The following CHRNA7 variants were observed in gnomAD, a reference collection of about 807,000 sequenced individuals.
CHRNA7 encodes the protein cholinergic receptor nicotinic alpha 7 subunit.
In CHRNA7, 17 loss-of-function variants were observed where a neutral mutation model predicts 48.0. The ratio of observed to expected loss-of-function variants is 0.35; its 90% CI spans 0.24 to 0.53. The LOEUF is 0.53. Among genes scored for constraint, CHRNA7 ranks in the 20% least tolerant of loss-of-function variants. CHRNA7 has a pLI of 0.92. For synonymous variants in CHRNA7, 75 were observed against 242.3 expected (o/e 0.31, Z 6.41); for missense variants, 155 against 577.7 (o/e 0.27, Z 7.50).
chr15:32,099,620 G>A (rs1566837811), intron 2 of CHRNA7: 1 of 152,184 alleles, frequency 6.6e-6, no homozygotes, highest in Non-Finnish European at 1.5e-5. Flanking sequence ...AGAAGGAAAG[G>A]CACCTAAATG....
intron 2 of CHRNA7, among the ~76,000 whole-genome samples, chr15:32,098,403 C>T (rs1344342086): frequency 6.6e-6 from 1 of 152,188 alleles, no homozygotes; most frequent in Non-Finnish European, 1.5e-5. Flanking sequence ...TAGGAGAAGA[C>T]ACGGCACCTG....
At chr15:32,038,056 G>GTATATT (rs1555372371) in intron 2 of CHRNA7, among the ~76,000 whole-genome samples, 5 of 144,216 alleles carry the variant, frequency 3.5e-5, no homozygotes, top group Non-Finnish European at 6.0e-5. Flanking sequence ...TTTTGGATAT[G>GTATATT]TATATATATA....
intron 2 of CHRNA7, among the ~76,000 whole-genome samples, chr15:32,087,559 T>C (rs1595432071): frequency 1.3e-5 from 2 of 152,224 alleles, no homozygotes; most frequent in South Asian, 2.1e-4. Flanking sequence ...TAGTAGTTCA[T>C]ATATACAGAA....
chr15:32,040,321 T>C (rs997179335), intron 2 of CHRNA7, among the ~76,000 whole-genome samples: 1 of 152,154 alleles, frequency 6.6e-6, no homozygotes, highest in African/African-American at 2.4e-5. Flanking sequence ...ATTTCAGTTT[T>C]TGTTTTCCAC....
At chr15:32,045,320 T>C (rs1425696385) in intron 2 of CHRNA7, among the ~76,000 whole-genome samples, 1 of 152,130 alleles carries the variant, frequency 6.6e-6, no homozygotes, top group Non-Finnish European at 1.5e-5. Context: ...ATGGTAGAGA[T>C]GAGAGAACGG....
At chr15:32,077,881 T>C (rs969805264) in intron 2 of CHRNA7, among the ~76,000 whole-genome samples, 1 of 152,082 alleles carries the variant, frequency 6.6e-6, no homozygotes, top group African/African-American at 2.4e-5. Flanking sequence ...ACTGCTCTTA[T>C]GGGAACTAAA....
At chr15:32,115,244 G>A (rs2050848337) in intron 4 of CHRNA7, among the ~76,000 whole-genome samples, 1 of 152,198 alleles carries the variant, frequency 6.6e-6, no homozygotes. Context: ...AGGAAGGAAA[G>A]CGGTGGAACT....
intron 2 of CHRNA7, among the ~76,000 whole-genome samples, chr15:32,072,918 G>A (rs2050080796): frequency 6.6e-6 from 1 of 152,226 alleles, no homozygotes; most frequent in African/African-American, 2.4e-5. Context: ...AGCTACCATG[G>A]AGGGCGTCTA....
At chr15:32,053,832 T>C (rs2049736595) in intron 2 of CHRNA7, among the ~76,000 whole-genome samples, 1 of 152,208 alleles carries the variant, frequency 6.6e-6, no homozygotes, top group Non-Finnish European at 1.5e-5. Context: ...GGCCTGGATG[T>C]GTGGCTGACT....
At chr15:32,037,280 GTCGATCTCT>G (rs1199850439) in intron 2 of CHRNA7, among the ~76,000 whole-genome samples, 1 of 152,074 alleles carries the variant, frequency 6.6e-6, no homozygotes, top group Non-Finnish European at 1.5e-5. Flanking sequence ...GTTGTGTTTT[GTCGATCTCT>G]TTGTCTATTC....
chr15:32,092,779 A>G (rs1432219769), intron 2 of CHRNA7, among the ~76,000 whole-genome samples: 1 of 152,122 alleles, frequency 6.6e-6, no homozygotes, highest in Non-Finnish European at 1.5e-5. Context: ...CATTCATCTT[A>G]TCCCCTTCCC....
At chr15:32,121,769 A>T (rs1053242636) in intron 4 of CHRNA7, among the ~76,000 whole-genome samples, 8 of 152,158 alleles carry the variant, frequency 5.3e-5, no homozygotes, top group African/African-American at 1.9e-4. Context: ...AAAGATATGT[A>T]AGTTAGGTCA....
At chr15:32,038,071 T>TATATAA (rs917564222) in intron 2 of CHRNA7, among the ~76,000 whole-genome samples, 49 of 146,784 alleles carry the variant, frequency 3.3e-4, no homozygotes, top group East Asian at 5.9e-4. Context: ...TATATATATA[T>TATATAA]AAATATACAT....
In CHRNA7 at chr15:32,149,330, AG is replaced by A. The variant is rs1011172018; in HGVS notation, c.351-4572del. On this transcript the variant is annotated intron_variant, in intron 4 of 9. Transcript: ENST00000306901. The surrounding 1 kb of genome is among the most constrained non-coding windows in gnomAD (Gnocchi z 4.6). ...AGCACAGGGCTGCCCAGCACTGGTG[AG>A]GGGGTCACTGTTGGCTGGCATCTGT... is the stretch of plus-strand genomic sequence containing the variant. 9.2e-5 allele frequency among the ~76,000 whole-genome samples: 14 copies of A among 152,066 alleles called. No individual in the cohort carries two copies. The highest frequency in any genetic ancestry group is 2.6e-4 in the Admixed American group (4 of 15,270).
chr15:32,121,806 G>C (rs1490519576), intron 4 of CHRNA7, among the ~76,000 whole-genome samples: 1 of 152,170 alleles, frequency 6.6e-6, no homozygotes, highest in African/African-American at 2.4e-5. Context: ...TAGCGGGGAG[G>C]GGGAGAGATC....
intron 2 of CHRNA7, among the ~76,000 whole-genome samples, chr15:32,088,539 ATTC>A (rs1306682912): frequency 1.3e-5 from 2 of 152,166 alleles, no homozygotes; most frequent in African/African-American, 4.8e-5. Context: ...ACCATTTTGC[ATTC>A]TTACCAGCAA....
At chr15:32,062,507 G>A (rs2049895506) in intron 2 of CHRNA7, among the ~76,000 whole-genome samples, 1 of 152,070 alleles carries the variant, frequency 6.6e-6, no homozygotes, top group East Asian at 1.9e-4. Context: ...CTCTCCCCAT[G>A]TTCAGACACG....
intron 2 of CHRNA7, among the ~76,000 whole-genome samples, chr15:32,085,917 C>T (rs1026925278): frequency 1.3e-5 from 2 of 152,246 alleles, no homozygotes; most frequent in Admixed American, 6.5e-5. Context: ...CCTGGCCAGT[C>T]GTTGTTACCC....
At chr15:32,156,229 G>A (rs1048542247) in intron 5 of CHRNA7, 5 of 132,328 alleles carry the variant, frequency 3.8e-5, no homozygotes, top group Admixed American at 3.7e-4. Context: ...GGCTCATGAA[G>A]TTACAAAGCT....
Sources: gnomAD v4.1 joint callset for allele counts (sites outside exome capture counted in the v4.1 genomes callset) on GRCh38, gnomAD v4.1.1 for gene constraint, Gnocchi (gnomAD v3.1) non-coding constraint, MANE v1.5 for transcripts, NCBI Gene and HGNC (gene_info 2026-07-23, HGNC 2026-07-21) for gene names.